Variants in UNC13C observed in about 807,000 individuals in gnomAD.
The protein encoded by UNC13C is unc-13 homolog C, also known as protein unc-13 homolog C.
Under a neutral mutation model 245.4 loss-of-function variants are expected in UNC13C, and 174 were observed. The ratio of observed to expected loss-of-function variants is 0.71; its 90% CI spans 0.63 to 0.80. UNC13C has a LOEUF of 0.80. Ranked by LOEUF, UNC13C falls within the 30% of genes least tolerant of loss-of-function variation. UNC13C has a pLI of 0.00. For synonymous variants in UNC13C, 992 were observed against 895.1 expected, an observed-to-expected ratio of 1.11 and a Z score of -1.93; for missense variants, 2,829 against 2,602.9, an observed-to-expected ratio of 1.09 and a Z score of -1.89.
At chr15:54,242,048 T>C (rs1268499167) in intron 7 of UNC13C, among the ~76,000 whole-genome samples, 1 of 152,258 alleles carries the variant, frequency 6.6e-6, no homozygotes, top group African/African-American at 2.4e-5. Context: ...CTTGATTTTC[T>C]TATATGTTTA....
At chr15:54,219,598 T>C (rs2035156884) in intron 4 of UNC13C, among the ~76,000 whole-genome samples, 1 of 147,584 alleles carries the variant, frequency 6.8e-6, no homozygotes, top group Non-Finnish European at 1.5e-5. Context: ...AATTGACAAA[T>C]GGGATCTAAT....
At chr15:54,505,093 G>T (rs931633900) in intron 22 of UNC13C, among the ~76,000 whole-genome samples, 1 of 151,970 alleles carries the variant, frequency 6.6e-6, no homozygotes, top group Non-Finnish European at 1.5e-5. Flanking sequence ...CTCTTTATAG[G>T]CATCCGTAAA....
chr15:54,266,333 T>A (rs1052816598), intron 10 of UNC13C, among the ~76,000 whole-genome samples: 6 of 152,040 alleles, frequency 3.9e-5, no homozygotes, highest in Non-Finnish European at 8.8e-5. Flanking sequence ...CAGAGGGTAC[T>A]GTAGAATGAA....
Position 54,147,935 on chromosome 15 carries a change from T to C in UNC13C, c.3071+4251T>C, listed in dbSNP as rs138531678. Among the ~76,000 whole-genome samples the C allele has an allele frequency of 5.2e-3, 788 of 152,270 alleles. 11 individuals are homozygous for C. The highest frequency in any genetic ancestry group is 0.018 in the African/African-American group (761 of 41,544). On this transcript the variant is annotated intron_variant, in intron 4 of 32. Transcript: ENST00000260323. ...GATATTATCATCTTTATTTTCTTTCTTCACTAGTCATTGAAGTTCTTCTCT... is the reference window on the plus strand; with the variant it reads ...GATATTATCATCTTTATTTTCTTTCCTCACTAGTCATTGAAGTTCTTCTCT...
intron 2 of UNC13C, among the ~76,000 whole-genome samples, chr15:54,021,075 A>G (rs2141003783): frequency 6.6e-6 from 1 of 152,268 alleles, no homozygotes; most frequent in African/African-American, 2.4e-5. Flanking sequence ...CGACAATAAC[A>G]ATTGTGTATA....
At chr15:54,245,870 T>C (rs1343790257) in intron 7 of UNC13C, among the ~76,000 whole-genome samples, 1 of 152,022 alleles carries the variant, frequency 6.6e-6, no homozygotes, top group East Asian at 1.9e-4. Context: ...GTGGCTTACA[T>C]AATATCACAA....
the UNC13C span, chr15:53,948,008 T>C: frequency 6.6e-6 from 1 of 152,216 alleles, no homozygotes; most frequent in Non-Finnish European, 1.5e-5. Flanking sequence ...TGATTTGCTA[T>C]CTGATTCAGT....
At chr15:53,909,858 A>T in the UNC13C span, among the ~76,000 whole-genome samples, 2 of 146,858 alleles carry the variant, frequency 1.4e-5, no homozygotes, top group Non-Finnish European at 3.1e-5. Flanking sequence ...TTTTTTAAGA[A>T]CACATTGTAC....
At chr15:53,965,343 A>G in the UNC13C span, among the ~76,000 whole-genome samples, 1 of 152,050 alleles carries the variant, frequency 6.6e-6, no homozygotes, top group East Asian at 1.9e-4. Context: ...ACCCTTAAAC[A>G]TTTGAACTCT....
intron 7 of UNC13C, among the ~76,000 whole-genome samples, chr15:54,244,653 G>A (rs1407219869): frequency 6.6e-6 from 1 of 152,152 alleles, no homozygotes; most frequent in Non-Finnish European, 1.5e-5. Flanking sequence ...TCCTTGAGCA[G>A]TAGTTTGTAG....
chr15:54,412,646 A>G (rs1401021196), intron 18 of UNC13C, among the ~76,000 whole-genome samples: 1 of 152,200 alleles, frequency 6.6e-6, no homozygotes, highest in African/African-American at 2.4e-5. Context: ...GTGACCTTAT[A>G]TTTTGTAGCT....
intron 30 of UNC13C, among the ~76,000 whole-genome samples, chr15:54,581,930 G>A (rs1190281222): frequency 6.6e-6 from 1 of 152,130 alleles, no homozygotes; most frequent in Non-Finnish European, 1.5e-5. Flanking sequence ...CAAGAATGTG[G>A]AGGCTGGTCT....
At chr15:54,331,982 T>G in intron 14 of UNC13C, 61 bp from the exon 15 acceptor site, 1 of 1,068,554 alleles carries the variant, frequency 9.4e-7, no homozygotes, top group Middle Eastern at 2.1e-4. Flanking sequence ...TCAGAATTAT[T>G]ATGAGGTCTT....
intron 19 of UNC13C, among the ~76,000 whole-genome samples, chr15:54,488,471 A>G (rs1029014316): frequency 6.6e-6 from 1 of 152,186 alleles, no homozygotes; most frequent in Non-Finnish European, 1.5e-5. Flanking sequence ...CAATAAAATG[A>G]TGTCACAAAG....
At chr15:54,330,001 A>G (rs1177871348) in intron 14 of UNC13C, among the ~76,000 whole-genome samples, 1 of 152,010 alleles carries the variant, frequency 6.6e-6, no homozygotes, top group Non-Finnish European at 1.5e-5. Context: ...GTATTGTAAT[A>G]TTTTAAAAGA....
intron 1 of UNC13C, among the ~76,000 whole-genome samples, chr15:53,981,327 G>A (rs1416142537): frequency 2.6e-5 from 4 of 152,016 alleles, no homozygotes; most frequent in Admixed American, 2.6e-4. Flanking sequence ...GAAGACATTA[G>A]AATCATTTTG....
chr15:53,980,242 G>A (rs1893873624), intron 1 of UNC13C, among the ~76,000 whole-genome samples: 1 of 152,166 alleles, frequency 6.6e-6, no homozygotes, highest in African/African-American at 2.4e-5. Flanking sequence ...TAAACAAAAT[G>A]AGGAAATCAT....
chr15:53,845,873 G>A, the UNC13C span, among the ~76,000 whole-genome samples: 132,670 of 152,088 alleles, frequency 0.87, 59,944 homozygotes, highest in Middle Eastern at 0.99. Context: ...CAAAATCCTA[G>A]CATAAACAGT....
At chr15:54,576,944 G>A (rs1237706312) in intron 30 of UNC13C, among the ~76,000 whole-genome samples, 1 of 152,176 alleles carries the variant, frequency 6.6e-6, no homozygotes, top group Non-Finnish European at 1.5e-5. Context: ...ATTCAATGCA[G>A]AAAATCTCAA....
Sources: gnomAD v4.1 joint callset for allele counts (sites outside exome capture counted in the v4.1 genomes callset) on GRCh38, gnomAD v4.1.1 for gene constraint, MANE v1.5 for transcripts, NCBI Gene and HGNC (gene_info 2026-07-23, HGNC 2026-07-21) for gene names.